ITPR2: variants seen among roughly 807,000 people sequenced by gnomAD.
ITPR2 encodes the protein inositol 1,4,5-trisphosphate-gated calcium channel ITPR2.
Under a neutral mutation model 317.1 loss-of-function variants are expected in ITPR2, and 207 were observed. The ratio of observed to expected loss-of-function variants is 0.65; its 90% CI spans 0.58 to 0.73. The LOEUF (loss-of-function observed/expected upper bound fraction) is 0.73, where lower values mean the gene tolerates loss of function less well. Ranked by LOEUF, ITPR2 falls within the 30% of genes least tolerant of loss-of-function variation. ITPR2 has a pLI of 0.00. For synonymous variants in ITPR2, 1,156 were observed against 1,149.1 expected, an observed-to-expected ratio of 1.01 and a Z score of -0.12; for missense variants, 2,613 against 3,284.0, an observed-to-expected ratio of 0.80 and a Z score of 4.99.
chr12:26,482,175 T>C (rs1173626434), intron 42 of ITPR2, among the ~76,000 whole-genome samples: 1 of 152,164 alleles, frequency 6.6e-6, no homozygotes, highest in African/African-American at 2.4e-5. Context: ...AGAGGAAAGG[T>C]GTTTTCTACC....
chr12:26,552,759 A>G (rs1944558631), intron 36 of ITPR2, among the ~76,000 whole-genome samples: 1 of 152,194 alleles, frequency 6.6e-6, no homozygotes, highest in Non-Finnish European at 1.5e-5. Flanking sequence ...ACATTCACAT[A>G]ATAGTCTTTA....
At chr12:26,388,857 A>T (rs1266441693) in intron 54 of ITPR2, among the ~76,000 whole-genome samples, 1 of 152,082 alleles carries the variant, frequency 6.6e-6, no homozygotes, top group East Asian at 1.9e-4. Context: ...ATGCCCAAAT[A>T]AACTACAATT....
At chr12:26,511,268 C>T (rs1943339474) in intron 37 of ITPR2, among the ~76,000 whole-genome samples, 1 of 152,196 alleles carries the variant, frequency 6.6e-6, no homozygotes, top group African/African-American at 2.4e-5. Flanking sequence ...CCACCAAATC[C>T]TCCTTGCTCT....
rs532532013 is a variant in ITPR2 at position 26,667,505 on chromosome 12, T to G, written c.1410-1454A>C. ...CACTGACATAGTTACGTGTAATCTC[T>G]GAAGGCAGCCACAGAAACGTAAAAC... On this transcript the variant is annotated intron_variant, in intron 13 of 56. Transcript: ENST00000381340. Among the ~76,000 whole-genome samples the G allele has an allele frequency of 2.7e-4, 41 of 152,348 alleles. 3 individuals are homozygous for G. In the South Asian group the frequency reaches 7.5e-3, roughly 28 times the overall value.
chr12:26,358,299 T>A (rs1214696826), intron 55 of ITPR2, among the ~76,000 whole-genome samples: 292 of 3,410 alleles, frequency 0.086, 132 homozygotes, highest in Non-Finnish European at 0.1. Context: ...GGCAGGAGAA[T>A]GGCGTGAACC....
At chr12:26,706,788 C>G (rs902549075) in intron 9 of ITPR2, among the ~76,000 whole-genome samples, 1 of 152,170 alleles carries the variant, frequency 6.6e-6, no homozygotes, top group African/African-American at 2.4e-5. Context: ...CTATTACAAA[C>G]TGGATAAAAG....
intron 37 of ITPR2, among the ~76,000 whole-genome samples, chr12:26,520,576 C>T (rs138041358): frequency 4.3e-4 from 65 of 152,288 alleles, no homozygotes; most frequent in African/African-American, 1.5e-3. Flanking sequence ...CATGGGACCT[C>T]TCATCTAAGT....
intron 21 of ITPR2, among the ~76,000 whole-genome samples, chr12:26,649,650 C>A (rs114475904): frequency 2.0e-5 from 3 of 152,232 alleles, no homozygotes; most frequent in East Asian, 3.9e-4. Context: ...TTCTCAAATC[C>A]CTCCAGAGAT....
intron 1 of ITPR2, among the ~76,000 whole-genome samples, chr12:26,809,264 G>A (rs766519403): frequency 2.6e-5 from 4 of 152,018 alleles, no homozygotes; most frequent in Admixed American, 1.3e-4. Flanking sequence ...GTCCCTAAAC[G>A]TCCCCTAAGA....
intron 37 of ITPR2, among the ~76,000 whole-genome samples, chr12:26,535,786 A>T (rs1289952484): frequency 6.6e-6 from 1 of 152,254 alleles, no homozygotes; most frequent in African/African-American, 2.4e-5. Flanking sequence ...ATTTTTCATA[A>T]GAAAATCTTT....
intron 2 of ITPR2, among the ~76,000 whole-genome samples, chr12:26,734,146 T>C (rs2137068177): frequency 6.6e-6 from 1 of 152,312 alleles, no homozygotes; most frequent in Non-Finnish European, 1.5e-5. Context: ...GTTCTATAAA[T>C]GAGGAAAGAG....
intron 5 of ITPR2, among the ~76,000 whole-genome samples, chr12:26,718,354 T>C (rs1032653143): frequency 5.3e-5 from 8 of 152,112 alleles, no homozygotes; most frequent in African/African-American, 1.9e-4. Context: ...AGTTACTAAA[T>C]ATAATGACAT....
At chr12:26,635,471 A>G (rs904314544) in intron 21 of ITPR2, among the ~76,000 whole-genome samples, 1 of 152,274 alleles carries the variant, frequency 6.6e-6, no homozygotes, top group Non-Finnish European at 1.5e-5. Flanking sequence ...TTTATAAGAG[A>G]TAACAGACAC....
chr12:26,714,067 T>C (rs12579808), intron 8 of ITPR2, among the ~76,000 whole-genome samples: 49,582 of 152,134 alleles, frequency 0.33, 10,441 homozygotes, highest in Non-Finnish European at 0.48. Context: ...AGTTTCAAGA[T>C]AGAAGATAAG....
chr12:26,621,642 A>G (rs1469675560), intron 25 of ITPR2, among the ~76,000 whole-genome samples: 1 of 152,198 alleles, frequency 6.6e-6, no homozygotes, highest in Non-Finnish European at 1.5e-5. Context: ...GTATTATATG[A>G]CATATACATA....
chr12:26,720,221 A>T (rs1018681169), intron 5 of ITPR2, among the ~76,000 whole-genome samples: 1 of 152,164 alleles, frequency 6.6e-6, no homozygotes, highest in African/African-American at 2.4e-5. Flanking sequence ...TTTCTCCCAG[A>T]CTATCGTCAG....
At chr12:26,624,986 A>G (rs889395006) in intron 23 of ITPR2, among the ~76,000 whole-genome samples, 2 of 152,192 alleles carry the variant, frequency 1.3e-5, no homozygotes, top group Admixed American at 6.5e-5. Flanking sequence ...CACAGACACA[A>G]TGGAGTACTA....
chr12:26,617,200 G>A (rs1249279133), intron 26 of ITPR2, among the ~76,000 whole-genome samples: 1 of 152,142 alleles, frequency 6.6e-6, no homozygotes, highest in Non-Finnish European at 1.5e-5. Context: ...GCTGGATAGA[G>A]CTAGAGAAAA....
chr12:26,692,173 C>T (rs1252192885), intron 10 of ITPR2, among the ~76,000 whole-genome samples: 1 of 152,106 alleles, frequency 6.6e-6, no homozygotes, highest in Non-Finnish European at 1.5e-5. Flanking sequence ...CACAAAGTTC[C>T]CTGGTTCCTG....
Sources: gnomAD v4.1 joint callset for allele counts (sites outside exome capture counted in the v4.1 genomes callset) on GRCh38, gnomAD v4.1.1 for gene constraint, MANE v1.5 for transcripts, NCBI Gene and HGNC (gene_info 2026-07-23, HGNC 2026-07-21) for gene names.